The following RPS6KA2 variants were observed in gnomAD, a reference collection of about 807,000 sequenced individuals.
RPS6KA2 encodes ribosomal protein S6 kinase A2, also known as ribosomal protein S6 kinase alpha-2.
A neutral mutation model predicts 91.8 loss-of-function variants in RPS6KA2; 42 were observed. That is an observed-to-expected ratio of 0.46 (90% CI 0.36 to 0.59). The LOEUF (loss-of-function observed/expected upper bound fraction) is 0.59, where lower values mean the gene tolerates loss of function less well. RPS6KA2 is among the 20% of genes least tolerant of loss of function. RPS6KA2 has a pLI of 0.00. For synonymous variants in RPS6KA2, 414 were observed against 393.6 expected (o/e 1.05, Z -0.61); for missense variants, 798 against 978.5 (o/e 0.82, Z 2.46).
intron 2 of RPS6KA2, among the ~76,000 whole-genome samples, chr6:166,711,129 A>C (rs1459202393): frequency 1.3e-5 from 2 of 151,508 alleles, no homozygotes; most frequent in Admixed American, 1.3e-4. Flanking sequence ...ACCACTGCCC[A>C]GGGGTAACAA....
In RPS6KA2 at chr6:166,412,811, T is replaced by C. The variant is rs772558151; in HGVS notation, c.2153A>G (p.Asn718Ser). ...CTTCATGCCTCTGCGCTGAGCCAGGTTGGATGACAGCACGGGCTCCAGCCG... is the reference window on the plus strand; with the variant it reads ...CTTCATGCCTCTGCGCTGAGCCAGGCTGGATGACAGCACGGGCTCCAGCCG... ...APRLEPVLSS[N>S]LAQRRGMKRL... Residue 718 changes from asparagine to serine, a missense_variant, in exon 21 of 21, where the codon AAC (asparagine) becomes AGC (serine). Asn to Ser is a conservative substitution (Grantham distance 46). Coordinates refer to ENST00000265678, the MANE Select transcript of RPS6KA2 (RefSeq NM_021135.6). This position sits in a 1 kb window ranked among gnomAD's most constrained non-coding sequence, Gnocchi z 4.3. 8 of 1,592,806 alleles carry C rather than the reference T, an allele frequency of 5.0e-6. No individual in the cohort carries two copies. In the Admixed American group the frequency reaches 5.3e-5, roughly 11 times the overall value.
chr6:166,421,565 G>C (rs1403844671), intron 17 of RPS6KA2, among the ~76,000 whole-genome samples: 2 of 152,186 alleles, frequency 1.3e-5, no homozygotes, highest in Non-Finnish European at 2.9e-5. Context: ...ACCTCCCCAA[G>C]CTGCAGCCCC....
chr6:166,844,827 A>G (rs1317162384), intron 2 of RPS6KA2, among the ~76,000 whole-genome samples: 1 of 151,346 alleles, frequency 6.6e-6, no homozygotes, highest in Non-Finnish European at 1.5e-5. Flanking sequence ...TTCTTAAAAC[A>G]TAAATCTCAC....
At chr6:166,416,418 A>C (rs1018480669) in intron 19 of RPS6KA2, among the ~76,000 whole-genome samples, 3 of 150,276 alleles carry the variant, frequency 2.0e-5, no homozygotes, top group Non-Finnish European at 4.4e-5. Flanking sequence ...CATCCCCATC[A>C]CCTCCACCAT....
At chr6:166,793,934 A>T (rs1779158980) in intron 2 of RPS6KA2, among the ~76,000 whole-genome samples, 1 of 148,106 alleles carries the variant, frequency 6.8e-6, no homozygotes, top group African/African-American at 2.5e-5. Flanking sequence ...CATTCAGGAC[A>T]TAGGCATGGG....
At chr6:166,525,390 G>A (rs1782989549) in intron 3 of RPS6KA2, among the ~76,000 whole-genome samples, 1 of 152,150 alleles carries the variant, frequency 6.6e-6, no homozygotes, top group African/African-American at 2.4e-5. Context: ...CAGAGGGAGA[G>A]GAGCAAGGTT....
chr6:166,723,121 C>A (rs1790226527), intron 2 of RPS6KA2, among the ~76,000 whole-genome samples: 1 of 152,186 alleles, frequency 6.6e-6, no homozygotes, highest in Non-Finnish European at 1.5e-5. Context: ...GGCAGATGTA[C>A]CTTAAATGGA....
chr6:166,607,066 C>T (rs1320026419), intron 1 of RPS6KA2, among the ~76,000 whole-genome samples: 1 of 146,600 alleles, frequency 6.8e-6, no homozygotes, highest in Non-Finnish European at 1.5e-5. Context: ...TGCTTGAACC[C>T]GGGATGCAGA....
At chr6:166,713,029 C>T (rs1374564973) in intron 2 of RPS6KA2, among the ~76,000 whole-genome samples, 1 of 152,178 alleles carries the variant, frequency 6.6e-6, no homozygotes, top group Admixed American at 6.5e-5. Flanking sequence ...AGGGTTGTGA[C>T]CCCTGGAAAT....
intron 2 of RPS6KA2, among the ~76,000 whole-genome samples, chr6:166,536,549 A>G (rs1783483580): frequency 6.6e-6 from 1 of 152,196 alleles, no homozygotes; most frequent in Admixed American, 6.5e-5. Context: ...CCTTCCCTGG[A>G]AATGTCTGAG....
intron 2 of RPS6KA2, among the ~76,000 whole-genome samples, chr6:166,677,207 A>G (rs540834771): frequency 1.1e-4 from 16 of 152,326 alleles, no homozygotes; most frequent in African/African-American, 3.6e-4. Context: ...GAAAGACGGA[A>G]CGGAAGGACA....
chr6:166,495,130 G>C lies in RPS6KA2; in HGVS notation c.747+3378C>G, dbSNP rs1781741884. Among the ~76,000 whole-genome samples the C allele has an allele frequency of 6.6e-6, 1 of 152,228 alleles. No homozygotes were observed. The highest frequency in any genetic ancestry group is 1.5e-5 in the Non-Finnish European group (1 of 68,040). On this transcript the variant is annotated intron_variant, in intron 8 of 20. Transcript: ENST00000265678. The surrounding 1 kb of genome is among the most constrained non-coding windows in gnomAD (Gnocchi z 4.4). Reference sequence around the variant, plus strand: ...GTTTCTGGGACTATTATGTGATCTTGAGCCCGACACTTAGGCTCTTTCAGC... The same window carrying C: ...GTTTCTGGGACTATTATGTGATCTTCAGCCCGACACTTAGGCTCTTTCAGC...
chr6:166,438,359 A>G (rs925936501), intron 14 of RPS6KA2, among the ~76,000 whole-genome samples: 2 of 152,218 alleles, frequency 1.3e-5, no homozygotes, highest in African/African-American at 4.8e-5. Flanking sequence ...ACGTGAGTAC[A>G]GACTGGAGCC....
intron 2 of RPS6KA2, among the ~76,000 whole-genome samples, chr6:166,679,781 G>GGGGTT (rs2128564911): frequency 6.6e-6 from 1 of 152,332 alleles, no homozygotes; most frequent in South Asian, 2.1e-4. Flanking sequence ...GGCGGGAGCT[G>GGGGTT]GGGTTGCGAG....
chr6:166,454,768 C>T lies in RPS6KA2; in HGVS notation c.1076-3535G>A, dbSNP rs568412715. On this transcript the variant is annotated intron_variant, in intron 12 of 20. Transcript: ENST00000265678. The stretch of plus-strand genomic sequence containing the variant: ...ACTGACAGAGACGTGGCTTCCTAAT[C>T]GTTTGTCAAATCAAAAAAGCAAAAA... Among the ~76,000 whole-genome samples, 15 of 151,748 alleles carry T rather than the reference C, an allele frequency of 9.9e-5. No homozygotes were observed. In the South Asian group the frequency reaches 1.3e-3, roughly 13 times the overall value.
rs1057377684 is a variant in RPS6KA2 at position 166,508,396 on chromosome 6, G to A, written c.380-114C>T. ...CTTACTCCGGGAGGCTGAGTCACTT[G>A]AGAAACGGCAGGACCCCGGCTGGTG... is the stretch of plus-strand genomic sequence containing the variant. On this transcript the variant is annotated intron_variant, in intron 4 of 20. Transcript: ENST00000265678. The surrounding 1 kb of genome is among the most constrained non-coding windows in gnomAD (Gnocchi z 4.3). 1.1e-5 allele frequency: 8 copies of A among 700,858 alleles called. No homozygotes were observed. Among genetic ancestry groups the A allele is most frequent in the Admixed American group, 6.9e-5 (3 of 43,384 alleles). 43.4% of individuals were successfully genotyped at this position (700,858 alleles called of 1,614,324 possible).
chr6:166,571,594 G>A (rs1184886314), intron 1 of RPS6KA2, among the ~76,000 whole-genome samples: 1 of 152,080 alleles, frequency 6.6e-6, no homozygotes, highest in Non-Finnish European at 1.5e-5. Flanking sequence ...CAGTTACATG[G>A]GGGGAAATTT....
In RPS6KA2 at chr6:166,537,736, C is replaced by T. The variant is rs115846003; in HGVS notation, c.216+932G>A. On this transcript the variant is annotated intron_variant, in intron 2 of 20. Transcript: ENST00000265678. The stretch of plus-strand genomic sequence containing the variant: ...AATGCAAAGATTTGGTAAATGTCTA[C>T]ATACCACACAAAAATAGTTACTTTA... Among the ~76,000 whole-genome samples the T allele has an allele frequency of 9.6e-3, 1,465 of 152,334 alleles. 14 individuals are homozygous for T. Among genetic ancestry groups the T allele is most frequent in the African/African-American group, 0.032 (1,321 of 41,574 alleles).
chr6:166,589,783 A>G (rs764503233), intron 1 of RPS6KA2, among the ~76,000 whole-genome samples: 1 of 152,214 alleles, frequency 6.6e-6, no homozygotes, highest in Non-Finnish European at 1.5e-5. Flanking sequence ...TTTGGCCCAA[A>G]CAAATCAGAT....
Sources: allele counts gnomAD v4.1 joint callset (sites outside exome capture counted in the v4.1 genomes callset), GRCh38; gene constraint gnomAD v4.1.1; non-coding constraint Gnocchi (gnomAD v3.1); transcripts MANE v1.5; gene names NCBI Gene and HGNC (gene_info 2026-07-23, HGNC 2026-07-21).